The following ADSS1 variants were observed in gnomAD, a reference collection of about 807,000 sequenced individuals.
ADSS1 encodes adenylosuccinate synthetase isozyme 1.
In ADSS1, 57 loss-of-function variants were observed where a neutral mutation model predicts 59.1. The ratio of observed to expected loss-of-function variants is 0.97; its 90% CI spans 0.78 to 1.20. The LOEUF (loss-of-function observed/expected upper bound fraction) is 1.20, where lower values mean the gene tolerates loss of function less well. ADSS1 is among the 50% of genes most tolerant of loss of function. The probability of loss-of-function intolerance (pLI) is 0.00; values close to 1 mark genes in which losing one functional copy is unlikely to be tolerated. For missense variants in ADSS1, 603 were observed against 610.3 expected (o/e 0.99, Z 0.13); for synonymous variants, 247 against 249.4 (o/e 0.99, Z 0.09).
At position 104,726,195 on chromosome 14, in the gene ADSS1, G is replaced by A. The variant is rs528651681; in HGVS notation, c.192+1733G>A. On this transcript the variant is annotated intron_variant, in intron 1 of 12. Coordinates refer to ENST00000330877, the MANE Select transcript of ADSS1 (RefSeq NM_152328.5). ...CCCTGGAGCCCACACCTGTCCCCCT[G>A]CAGCCTCCTCACGAGCCAGTGAGGC... Among the ~76,000 whole-genome samples, 4 of 152,348 alleles carry A rather than the reference G, an allele frequency of 2.6e-5. No individual in the cohort carries two copies. In the East Asian group the frequency reaches 7.7e-4, roughly 29 times the overall value.
chr14:104,730,333 T>G, intron 1 of ADSS1: 1 of 1,153,064 alleles, frequency 8.7e-7, no homozygotes, highest in Non-Finnish European at 1.2e-6. Context: ...CTACTAAAAA[T>G]ACAAAAATTA....
chr14:104,730,319 GT>G, intron 1 of ADSS1: 1 of 1,255,078 alleles, frequency 8.0e-7, no homozygotes, highest in South Asian at 1.9e-5. Context: ...GTGAAACCCG[GT>G]TTCTACTAAA....
At position 104,734,939 on chromosome 14, in the gene ADSS1, C is replaced by T. The variant is rs1223770617; in HGVS notation, c.193-81C>T. ...AACAGCAGTGCCCTGCAGGGACAGA[C>T]GAAGCCCCATGTGGGTCAGTCCATG... is the stretch of plus-strand genomic sequence containing the variant. On this transcript the variant is annotated intron_variant, in intron 1 of 12. Transcript: ENST00000330877. 5.6e-6 allele frequency: 7 copies of T among 1,240,776 alleles called. No homozygotes were observed. In the Admixed American group the frequency reaches 7.5e-5, roughly 13 times the overall value. The allele number at this position is 1,240,776 out of a possible 1,614,324, so 76.9% of individuals were successfully genotyped here.
intron 1 of ADSS1, among the ~76,000 whole-genome samples, chr14:104,731,729 C>A (rs545735091): frequency 6.6e-5 from 10 of 152,236 alleles, no homozygotes; most frequent in African/African-American, 2.4e-4. Context: ...GGCACACACT[C>A]GCCCTGGCTC....
chr14:104,743,329 C>A, intron 10 of ADSS1, 138 bp downstream of exon 10: 1 of 1,311,528 alleles, frequency 7.6e-7, no homozygotes, highest in South Asian at 1.3e-5. Context: ...GACCCTTCCA[C>A]AAAGCACGGC....
rs376339642 is a variant in ADSS1, at chr14:104,728,021, C to T, written c.192+3559C>T. ...CTAGAGCCAGTGTCCAGCCAGCAGA[C>T]GGGTGGAAAGCTATGGCCATGTATG... On this transcript the variant is annotated intron_variant, in intron 1 of 12. Coordinates refer to ENST00000330877, the MANE Select transcript of ADSS1 (RefSeq NM_152328.5). 3.7e-4 allele frequency among the ~76,000 whole-genome samples: 56 copies of T among 152,304 alleles called. No individual in the cohort carries two copies. In the South Asian group the frequency reaches 8.7e-3, roughly 24 times the overall value.
At chr14:104,735,192 TGG>T in intron 2 of ADSS1, 70 bp downstream of exon 2, 10 of 1,395,508 alleles carry the variant, frequency 7.2e-6, no homozygotes, top group Non-Finnish European at 9.9e-6. Flanking sequence ...GCCCCACGCA[TGG>T]GGGCACGGGG....
At chr14:104,739,608 C>A in intron 4 of ADSS1, 142 bp from the exon 5 acceptor site, 1 of 1,010,154 alleles carries the variant, frequency 9.9e-7, no homozygotes, top group Admixed American at 2.1e-5. Flanking sequence ...CACTCATGGT[C>A]ACACCCCAGT....
intron 1 of ADSS1, among the ~76,000 whole-genome samples, chr14:104,731,065 G>T (rs867885606): frequency 0.051 from 2,283 of 44,942 alleles, 48 homozygotes; most frequent in African/African-American, 0.16. Flanking sequence ...GGCAGGTAGA[G>T]AGCGCCAGGG....
intron 1 of ADSS1, among the ~76,000 whole-genome samples, chr14:104,724,836 C>A (rs1258062729): frequency 1.3e-5 from 2 of 152,110 alleles, no homozygotes; most frequent in Non-Finnish European, 2.9e-5. Flanking sequence ...GTTTGAGGAC[C>A]CCCAAGACAC....
chr14:104,746,441 C>A, intron 12 of ADSS1, 56 bp downstream of exon 12: 1 of 1,568,944 alleles, frequency 6.4e-7, no homozygotes, highest in Non-Finnish European at 8.7e-7. Flanking sequence ...CCCAAGGGGC[C>A]CACATCCCAG....
chr14:104,726,508 G>T (rs990614594), intron 1 of ADSS1, among the ~76,000 whole-genome samples: 7 of 152,134 alleles, frequency 4.6e-5, no homozygotes, highest in Non-Finnish European at 1.0e-4. Context: ...CTAGCGGTGG[G>T]GGTTCTCCCC....
At chr14:104,734,407 G>C (rs946969863) in intron 1 of ADSS1, among the ~76,000 whole-genome samples, 1 of 152,220 alleles carries the variant, frequency 6.6e-6, no homozygotes, top group Non-Finnish European at 1.5e-5. Flanking sequence ...TGGCATCCAG[G>C]GCGTGGCACA....
Position 104,724,392 on chromosome 14 carries a change from G to T in ADSS1, c.122G>T (p.Trp41Leu), listed in dbSNP as rs202092105. The change falls in exon 1 of 13, where the codon TGG becomes TTG. Residue 41 changes from tryptophan (W) to leucine (L), a missense_variant. Transcript: ENST00000330877. Reference protein sequence around the residue: ...SRVTVVLGAQWGDEGKGKVVD... With the variant: ...SRVTVVLGAQLGDEGKGKVVD... Reference sequence around the variant, plus strand: ...GTGACGGTGGTGCTGGGCGCGCAGTGGGGGGACGAGGGCAAAGGCAAGGTG... The same window carrying T: ...GTGACGGTGGTGCTGGGCGCGCAGTTGGGGGACGAGGGCAAAGGCAAGGTG... 78 of 1,259,952 alleles carry T rather than the reference G, an allele frequency of 6.2e-5. No individual in the cohort carries two copies. The East Asian group carries it at 9.0e-4, about 15-fold the overall frequency. The allele number at this position is 1,259,952 out of a possible 1,614,324, so 78.0% of individuals were successfully genotyped here.
rs1272427759 is a variant in ADSS1, at chr14:104,740,039, G to A, written c.476+223G>A. Among the ~76,000 whole-genome samples, 1 of 152,122 alleles carries A rather than the reference G, an allele frequency of 6.6e-6. No individual in the cohort carries two copies. Among genetic ancestry groups the A allele is most frequent in the African/African-American group, 2.4e-5 (1 of 41,414 alleles). On this transcript the variant is annotated intron_variant, in intron 5 of 12. Transcript: ENST00000330877. This position sits in a 1 kb window ranked among gnomAD's most constrained non-coding sequence, Gnocchi z 4.8. ...CACACTGTCCTTGCCGGCTGCCACT[G>A]CCACGCGGCTCCCCCCAGGAGTGCA...
Position 104,746,082 on chromosome 14 carries a change from A to C in ADSS1, c.1172-154A>C. The C allele has an allele frequency of 6.3e-6, 6 of 951,574 alleles. No individual in the cohort carries two copies. In the South Asian group the frequency reaches 8.6e-5, roughly 14 times the overall value. The allele number at this position is 951,574 out of a possible 1,614,324, so 58.9% of individuals were successfully genotyped here. ...CTGCTTACCACCCAACACTGAGAAAATCAAACTGGGCCACGTGCCCACTTG... is the reference window on the plus strand; with the variant it reads ...CTGCTTACCACCCAACACTGAGAAACTCAAACTGGGCCACGTGCCCACTTG... On this transcript the variant is annotated intron_variant, in intron 11 of 12. Transcript: ENST00000330877.
intron 1 of ADSS1, among the ~76,000 whole-genome samples, 188 bp downstream of exon 1, chr14:104,724,650 C>T (rs1353430728): frequency 3.9e-5 from 6 of 152,052 alleles, no homozygotes; most frequent in Non-Finnish European, 5.9e-5. Flanking sequence ...ACCCCCGACC[C>T]ACACACACCG....
chr14:104,732,974 G>A (rs1030184596), intron 1 of ADSS1, among the ~76,000 whole-genome samples: 2 of 152,252 alleles, frequency 1.3e-5, no homozygotes, highest in African/African-American at 2.4e-5. Context: ...GGCCTGCCCC[G>A]TCCCGATGGA....
At chr14:104,743,241 C>T in intron 10 of ADSS1, 50 bp downstream of exon 10, 1 of 1,596,648 alleles carries the variant, frequency 6.3e-7, no homozygotes, top group African/African-American at 1.3e-5. Context: ...TGACTCCCGA[C>T]ACCTGCAGAG....
Sources: allele counts gnomAD v4.1 joint callset (sites outside exome capture counted in the v4.1 genomes callset), GRCh38; gene constraint gnomAD v4.1.1; non-coding constraint Gnocchi (gnomAD v3.1); transcripts MANE v1.5; gene names NCBI Gene and HGNC (gene_info 2026-07-23, HGNC 2026-07-21).